Variants in MRC2 observed in about 807,000 individuals in gnomAD.
MRC2 encodes mannose receptor C-type 2, also known as C-type mannose receptor 2.
MRC2 carries 84 observed loss-of-function variants against 206.2 expected under a neutral mutation model. That is an observed-to-expected ratio of 0.41 (90% CI 0.34 to 0.49). The LOEUF is 0.49. Ranked by LOEUF, MRC2 falls within the 20% of genes least tolerant of loss-of-function variation. The probability of loss-of-function intolerance (pLI) is 0.31; values close to 1 mark genes in which losing one functional copy is unlikely to be tolerated. For synonymous variants in MRC2, 798 were observed against 800.0 expected (o/e 1.00, Z 0.04); for missense variants, 1,676 against 2,001.5 (o/e 0.84, Z 3.10).
Position 62,691,035 on chromosome 17 carries a change from A to G in MRC2, c.4099A>G (p.Asn1367Asp), listed in dbSNP as rs1555680546. The G allele has an allele frequency of 1.9e-6, 3 of 1,609,992 alleles. No individual in the cohort carries two copies. In the Middle Eastern group the frequency reaches 5.0e-4, roughly 266 times the overall value. The change falls in exon 28 of 30, where the codon AAC (asparagine) becomes GAC (aspartate). Residue 1367 changes from asparagine to aspartate, a missense_variant. Asn to Asp is a conservative substitution (Grantham distance 23). Coordinates refer to ENST00000303375, the MANE Select transcript of MRC2 (RefSeq NM_006039.5). ...PGLGPSMLSHNSCYWIQSNSG... is the reference protein window; with the variant it reads ...PGLGPSMLSHDSCYWIQSNSG... ...CTTGGGCCCCAGCATGCTGAGCCAC[A>G]ACAGCTGCTACTGGATTCAGAGCAA...
At chr17:62,640,262 T>C (rs1043801556) in intron 1 of MRC2, among the ~76,000 whole-genome samples, 3 of 152,102 alleles carry the variant, frequency 2.0e-5, no homozygotes, top group Non-Finnish European at 4.4e-5. Context: ...ATACCTGACA[T>C]TCATCTGTCC....
Position 62,666,569 on chromosome 17 carries a change from G to C in MRC2, c.809G>C (p.Gly270Ala), listed in dbSNP as rs775031075. The C allele has an allele frequency of 5.6e-6, 9 of 1,610,546 alleles. No individual in the cohort carries two copies. Among genetic ancestry groups the C allele is most frequent in the Non-Finnish European group, 7.6e-6 (9 of 1,178,690 alleles). The change falls in exon 4 of 30, where the codon GGT becomes GCT. Residue 270 changes from glycine to alanine, a missense_variant. Gly to Ala is a moderately conservative substitution (Grantham distance 60). This residue lies in a region of MRC2 where 1,354 missense variants were observed against 1,636.6 expected (regional missense o/e 0.83). Coordinates refer to ENST00000303375, the MANE Select transcript of MRC2 (RefSeq NM_006039.5). The surrounding 1 kb of genome is among the most constrained non-coding windows in gnomAD (Gnocchi z 5.0). ...GCCTGGGCCAGCTGCGAGCAGCAGG[G>C]TGCGGATCTGCTGAGCATCACGGAG... ...REAWASCEQQ[G>A]ADLLSITEIH... is the part of the protein sequence containing the mutation.
chr17:62,630,367 A>C (rs1484107443), intron 1 of MRC2, among the ~76,000 whole-genome samples: 2 of 152,170 alleles, frequency 1.3e-5, no homozygotes, highest in African/African-American at 4.8e-5. Context: ...CTGATCATTT[A>C]CATTGGTCAC....
intron 1 of MRC2, among the ~76,000 whole-genome samples, chr17:62,644,778 A>G (rs1359808172): frequency 6.6e-6 from 1 of 152,062 alleles, no homozygotes; most frequent in East Asian, 1.9e-4. Flanking sequence ...ACGTGAGGGC[A>G]TAGGATTCCT....
chr17:62,665,522 A>G (rs1282196028), intron 2 of MRC2, among the ~76,000 whole-genome samples: 1 of 152,208 alleles, frequency 6.6e-6, no homozygotes. Context: ...AATAGTATAC[A>G]AGTATATAAC....
chr17:62,664,855 C>T lies in MRC2; in HGVS notation c.426C>T (p.Ser142=). The T allele has an allele frequency of 1.2e-6, 2 of 1,613,786 alleles. No homozygotes were observed. Among genetic ancestry groups the T allele is most frequent in the Middle Eastern group, 1.6e-4 (1 of 6,062 alleles). The change falls in exon 2 of 30, where the codon TCC becomes TCT. Residue 142 remains serine (S), a synonymous_variant. Transcript: ENST00000303375. This position sits in a 1 kb window ranked among gnomAD's most constrained non-coding sequence, Gnocchi z 4.7. ...TGGGGGCCCGCACCAGCAACATATC[C>T]AAGCCTGGCACCCTTGAGCGTGGTG... ...LLLGARTSNI[S]KPGTLERGDQ... is the part of the protein sequence containing the mutation.
At position 62,681,922 on chromosome 17, in the gene MRC2, A is replaced by T. The variant is rs2088972890; in HGVS notation, c.2788A>T (p.Met930Leu). 6.2e-7 allele frequency: 1 copy of T among 1,613,600 alleles called. No homozygotes were observed. The highest frequency in any genetic ancestry group is 1.3e-5 in the African/African-American group (1 of 74,936). ...CGGCAAGGACAAGAAGTGCGTGTAC[A>T]TGACAGCCAGCCGAGGTGAGGGCAA... ...PVGKDKKCVYMTASREDWGDQ... is the reference protein window; with the variant it reads ...PVGKDKKCVYLTASREDWGDQ... The change falls in exon 19 of 30, where the codon ATG becomes TTG. Residue 930 changes from methionine to leucine, a missense_variant. This residue lies in a region of MRC2 where 1,354 missense variants were observed against 1,636.6 expected (regional missense o/e 0.83). Coordinates refer to ENST00000303375, the MANE Select transcript of MRC2 (RefSeq NM_006039.5).
intron 1 of MRC2, among the ~76,000 whole-genome samples, chr17:62,641,818 A>T (rs1460144616): frequency 1.3e-5 from 2 of 152,150 alleles, no homozygotes; most frequent in African/African-American, 4.8e-5. Flanking sequence ...TGAAAAAATA[A>T]TACAGTGGGC....
Position 62,666,936 on chromosome 17 carries a change from C to T in MRC2, c.973+66C>T. Reference sequence around the variant, plus strand: ...CCGCGGGCTCTTGGCCTCCCATGGACTCCTCTCCTCATGTCCTCCTGCAGA... The same window carrying T: ...CCGCGGGCTCTTGGCCTCCCATGGATTCCTCTCCTCATGTCCTCCTGCAGA... On this transcript the variant is annotated intron_variant, in intron 5 of 29. Transcript: ENST00000303375. This position sits in a 1 kb window ranked among gnomAD's most constrained non-coding sequence, Gnocchi z 5.0. 1.7e-6 allele frequency: 2 copies of T among 1,209,356 alleles called. No homozygotes were observed. Among genetic ancestry groups the T allele is most frequent in the Non-Finnish European group, 2.4e-6 (2 of 830,574 alleles). 74.9% of individuals were successfully genotyped at this position (1,209,356 alleles called of 1,614,324 possible). A position where few individuals can be genotyped will look rare whatever the true frequency, so the allele number is the denominator to read the frequency against.
In MRC2 at chr17:62,690,254, C is replaced by A. The variant is rs1417637404; in HGVS notation, c.3841C>A (p.His1281Asn). The change falls in exon 26 of 30, where the codon CAC becomes AAC. Residue 1281 changes from histidine (H) to asparagine (N), a missense_variant. Physicochemically the swap from His to Asn is moderately conservative, Grantham distance 68. This residue lies in a region of MRC2 where 1,354 missense variants were observed against 1,636.6 expected (regional missense o/e 0.83). Coordinates refer to ENST00000303375, the MANE Select transcript of MRC2 (RefSeq NM_006039.5). ...IPFREHCYSF[H>N]MELLLGHKEA... is the part of the protein sequence containing the mutation. ...CTTCCGGGAGCACTGCTATTCTTTC[C>A]ACATGGAGCTGCTGCTGGGCCACAA... 5 of 1,613,244 alleles carry A rather than the reference C, an allele frequency of 3.1e-6. No homozygotes were observed. The highest frequency in any genetic ancestry group is 3.4e-6 in the Non-Finnish European group (4 of 1,179,540).
intron 1 of MRC2, among the ~76,000 whole-genome samples, chr17:62,629,230 A>T (rs2084196277): frequency 6.6e-6 from 1 of 152,174 alleles, no homozygotes; most frequent in Non-Finnish European, 1.5e-5. Context: ...GCAGGGCCTC[A>T]GGAGGCAGGC....
intron 1 of MRC2, among the ~76,000 whole-genome samples, chr17:62,658,579 A>G (rs568291801): frequency 6.6e-5 from 10 of 152,276 alleles, no homozygotes; most frequent in Admixed American, 5.9e-4. Flanking sequence ...CAGACCCTTC[A>G]TTCACCGTTT....
rs3826537 is a variant in MRC2, at chr17:62,692,442, A to G, written c.4431A>G (p.Gln1477=). 0.41 allele frequency: 631,740 copies of G among 1,559,424 alleles called. 130,502 individuals are homozygous for G. Among genetic ancestry groups the G allele is most frequent in the Admixed American group, 0.45 (23,329 of 51,624 alleles). Residue 1477 remains glutamine, a synonymous_variant, in exon 30 of 30, where the codon CAA becomes CAG. Transcript: ENST00000303375. This position sits in a 1 kb window ranked among gnomAD's most constrained non-coding sequence, Gnocchi z 4.2. ...ILVSDMEMNE[Q]QE is the part of the protein sequence containing the mutation. The stretch of plus-strand genomic sequence containing the variant: ...TGTCAGACATGGAAATGAATGAGCA[A>G]CAAGAATAGAGCCAGGCGCGTGGGC...
rs2089127528 is a variant in MRC2, at chr17:62,692,683, C to G, written c.*232C>G. 2 of 521,974 alleles carry G rather than the reference C, an allele frequency of 3.8e-6. No individual in the cohort carries two copies. The highest frequency in any genetic ancestry group is 6.4e-5 in the East Asian group (2 of 31,082). 32.3% of individuals were successfully genotyped at this position (521,974 alleles called of 1,614,324 possible). Reference sequence around the variant, plus strand: ...GTGGCGTTTCCCTTTCTGGGGGGGCCTGAGGTCTTGTCACCTGGTCCTGTG... The same window carrying G: ...GTGGCGTTTCCCTTTCTGGGGGGGCGTGAGGTCTTGTCACCTGGTCCTGTG... On this transcript the variant is annotated 3_prime_UTR_variant, in exon 30 of 30. Coordinates refer to ENST00000303375, the MANE Select transcript of MRC2 (RefSeq NM_006039.5). The surrounding 1 kb of genome is among the most constrained non-coding windows in gnomAD (Gnocchi z 4.2).
At chr17:62,676,688 G>A (rs1196211939) in intron 11 of MRC2, 157 bp downstream of exon 11, 2 of 849,404 alleles carry the variant, frequency 2.4e-6, no homozygotes, top group African/African-American at 3.5e-5. Context: ...AAACTGCCTG[G>A]CTCCGATCAT....
chr17:62,645,791 C>T (rs561983942), intron 1 of MRC2, among the ~76,000 whole-genome samples: 1 of 151,488 alleles, frequency 6.6e-6, no homozygotes, highest in South Asian at 2.1e-4. Flanking sequence ...CCACCTGCCT[C>T]AGCTTCCCAA....
chr17:62,681,833 G>T lies in MRC2; in HGVS notation c.2703-4G>T, dbSNP rs769723042. On this transcript the variant is annotated splice_polypyrimidine_tract_variant and splice_region_variant and intron_variant, in intron 18 of 29. Coordinates refer to ENST00000303375, the MANE Select transcript of MRC2 (RefSeq NM_006039.5). Reference sequence around the variant, plus strand: ...GGAGTTACCTCTGCTCCATGCCATTGCAGATGGACAGATGGTTCCATTATA... The same window carrying T: ...GGAGTTACCTCTGCTCCATGCCATTTCAGATGGACAGATGGTTCCATTATA... The T allele has an allele frequency of 6.2e-7, 1 of 1,611,942 alleles. No individual in the cohort carries two copies. Among genetic ancestry groups the T allele is most frequent in the South Asian group, 1.1e-5 (1 of 90,604 alleles).
At position 62,666,704 on chromosome 17, in the gene MRC2, C is replaced by A; in HGVS notation, c.860-53C>A. ...GGGTTGGGGAGAGGGCGATGGGGAG[C>A]GGGGGAGGCTGGGGCTGGGGATCCC... On this transcript the variant is annotated intron_variant, in intron 4 of 29. Transcript: ENST00000303375. The surrounding 1 kb of genome is among the most constrained non-coding windows in gnomAD (Gnocchi z 5.0). 1.6e-6 allele frequency: 1 copy of A among 636,730 alleles called. No individual in the cohort carries two copies. The highest frequency in any genetic ancestry group is 2.7e-6 in the Non-Finnish European group (1 of 364,576). 39.4% of individuals were successfully genotyped at this position (636,730 alleles called of 1,614,324 possible). A position where few individuals can be genotyped will look rare whatever the true frequency, so the allele number is the denominator to read the frequency against.
At position 62,689,674 on chromosome 17, in the gene MRC2, G is replaced by T; in HGVS notation, c.3487G>T (p.Val1163Leu). ...GAGCCGCAATGCCAGCCTGGCCTAC[G>T]TGCCCGACCCCTACACCCAGGCCTT... ...CESRNASLAYVPDPYTQAFLT... is the reference protein window; with the variant it reads ...CESRNASLAYLPDPYTQAFLT... The change falls in exon 24 of 30, where the codon GTG becomes TTG. Residue 1163 changes from valine to leucine, a missense_variant. Around this residue, in one of 3 missense-constraint regions of MRC2, gnomAD observed 1,354 missense variants for 1,636.6 expected, o/e 0.83. Coordinates refer to ENST00000303375, the MANE Select transcript of MRC2 (RefSeq NM_006039.5). 1 of 1,588,388 alleles carries T rather than the reference G, an allele frequency of 6.3e-7. No individual in the cohort carries two copies. Among genetic ancestry groups the T allele is most frequent in the Non-Finnish European group, 8.6e-7 (1 of 1,167,686 alleles).
Sources: allele counts gnomAD v4.1 joint callset (sites outside exome capture counted in the v4.1 genomes callset), GRCh38; gene constraint gnomAD v4.1.1; regional missense constraint gnomAD v4.1.1; non-coding constraint Gnocchi (gnomAD v3.1); transcripts MANE v1.5; gene names NCBI Gene and HGNC (gene_info 2026-07-23, HGNC 2026-07-21).